PDE4D: variants seen among roughly 807,000 people sequenced by gnomAD.
PDE4D encodes the protein 3',5'-cyclic-AMP phosphodiesterase 4D.
A neutral mutation model predicts 87.4 loss-of-function variants in PDE4D; 24 were observed. The ratio of observed to expected loss-of-function variants is 0.27; its 90% CI spans 0.20 to 0.39. The LOEUF is 0.39. Among genes scored for constraint, PDE4D ranks in the 10% least tolerant of loss-of-function variants. The pLI is 1.00. For missense variants in PDE4D, 714 were observed against 1,041.0 expected (o/e 0.69, Z 4.32); for synonymous variants, 384 against 383.2 (o/e 1.00, Z -0.02).
At chr5:60,078,396 G>A (rs922377096) in intron 2 of PDE4D, among the ~76,000 whole-genome samples, 28 of 152,114 alleles carry the variant, frequency 1.8e-4, no homozygotes, top group African/African-American at 6.8e-4. Context: ...TTGGTTGCAA[G>A]AGATTTTCTT....
intron 1 of PDE4D, among the ~76,000 whole-genome samples, chr5:60,393,297 A>C (rs945321033): frequency 3.9e-5 from 6 of 152,156 alleles, no homozygotes; most frequent in Admixed American, 3.9e-4. Flanking sequence ...ACATTGCCTG[A>C]TTTGCCAAGA....
intron 1 of PDE4D, among the ~76,000 whole-genome samples, chr5:59,278,629 A>G (rs575147421): frequency 3.3e-4 from 50 of 152,226 alleles, no homozygotes; most frequent in African/African-American, 1.1e-3. Context: ...CATTCCATCT[A>G]TACCATGATT....
intron 1 of PDE4D, among the ~76,000 whole-genome samples, chr5:59,641,977 T>C (rs1250934658): frequency 1.3e-5 from 2 of 152,162 alleles, no homozygotes; most frequent in African/African-American, 4.8e-5. Context: ...GCAATATAAA[T>C]GTCTGTCATT....
chr5:59,862,020 G>T (rs1746349463), intron 1 of PDE4D, among the ~76,000 whole-genome samples: 1 of 152,140 alleles, frequency 6.6e-6, no homozygotes, highest in Non-Finnish European at 1.5e-5. Context: ...TTGTCCTCCT[G>T]TGCCAGTGCT....
chr5:59,861,650 T>G (rs1204347628), intron 1 of PDE4D, among the ~76,000 whole-genome samples: 1 of 152,242 alleles, frequency 6.6e-6, no homozygotes, highest in South Asian at 2.1e-4. Flanking sequence ...TTCATTTTTT[T>G]TCCCCCAGCT....
At chr5:59,555,395 G>C (rs772138931) in intron 1 of PDE4D, among the ~76,000 whole-genome samples, 1 of 152,062 alleles carries the variant, frequency 6.6e-6, no homozygotes, top group South Asian at 2.1e-4. Context: ...CTATTGGGTA[G>C]TAGGCTTAGT....
intron 5 of PDE4D, among the ~76,000 whole-genome samples, chr5:59,172,212 ATATAT>A (rs376190905): frequency 0.045 from 5,082 of 113,240 alleles, 151 homozygotes; most frequent in Middle Eastern, 0.064. Context: ...TATGTATATA[ATATAT>A]AATAAATATA....
intron 5 of PDE4D, among the ~76,000 whole-genome samples, chr5:59,065,589 G>A (rs186963734): frequency 1.3e-5 from 2 of 152,228 alleles, no homozygotes; most frequent in African/African-American, 4.8e-5. Context: ...TGGTTTTAGG[G>A]TGTATACCTG....
intron 2 of PDE4D, among the ~76,000 whole-genome samples, chr5:60,175,003 C>T (rs1282325247): frequency 1.3e-5 from 2 of 152,016 alleles, no homozygotes; most frequent in Non-Finnish European, 2.9e-5. Flanking sequence ...TTTCTTCAAA[C>T]ATTTCTTCTG....
chr5:60,046,398 A>T (rs185962582), intron 2 of PDE4D, among the ~76,000 whole-genome samples: 192 of 152,310 alleles, frequency 1.3e-3, no homozygotes, highest in African/African-American at 4.4e-3. Flanking sequence ...AACTTCCAAC[A>T]CTATGTTGAA....
At chr5:59,289,474 G>C (rs949219623) in intron 1 of PDE4D, among the ~76,000 whole-genome samples, 26 of 151,862 alleles carry the variant, frequency 1.7e-4, no homozygotes, top group African/African-American at 6.0e-4. Context: ...ATAAGCATTT[G>C]ATAAAATTCA....
At chr5:60,174,222 T>C (rs887979307) in intron 2 of PDE4D, among the ~76,000 whole-genome samples, 6 of 152,148 alleles carry the variant, frequency 3.9e-5, no homozygotes, top group Non-Finnish European at 2.9e-5. Context: ...TTCAGGTGTC[T>C]TCATACCTTA....
chr5:60,107,763 G>T (rs1226278549), intron 2 of PDE4D, among the ~76,000 whole-genome samples: 1 of 152,130 alleles, frequency 6.6e-6, no homozygotes, highest in African/African-American at 2.4e-5. Flanking sequence ...AAAACCACAT[G>T]ATTATCTCAA....
chr5:60,442,459 G>C (rs949160179), intron 1 of PDE4D, among the ~76,000 whole-genome samples: 6 of 151,986 alleles, frequency 3.9e-5, no homozygotes, highest in Admixed American at 3.3e-4. Context: ...GGGACTAGGG[G>C]AGGGATAGAG....
intron 1 of PDE4D, among the ~76,000 whole-genome samples, chr5:59,888,521 A>G (rs564195734): frequency 3.9e-5 from 6 of 152,372 alleles, no homozygotes; most frequent in Middle Eastern, 6.8e-3. Context: ...TGTGTTGACA[A>G]TATGTAGGAA....
At chr5:60,428,664 C>T (rs1743928685) in intron 1 of PDE4D, among the ~76,000 whole-genome samples, 1 of 152,178 alleles carries the variant, frequency 6.6e-6, no homozygotes, top group Admixed American at 6.5e-5. Context: ...GTATTTACTT[C>T]TCACGATGAT....
chr5:59,401,478 A>G (rs2607342), intron 1 of PDE4D, among the ~76,000 whole-genome samples: 3,123 of 150,968 alleles, frequency 0.021, 55 homozygotes, highest in African/African-American at 0.038. Context: ...CTATCTATCT[A>G]TCTATCTATT....
At chr5:60,195,563 A>C (rs796308223) in intron 1 of PDE4D, among the ~76,000 whole-genome samples, 2 of 151,810 alleles carry the variant, frequency 1.3e-5, no homozygotes, top group African/African-American at 4.8e-5. Flanking sequence ...ACAGCAATCT[A>C]TTTTACTAAT....
At chr5:59,343,318 A>C (rs1582067187) in intron 1 of PDE4D, among the ~76,000 whole-genome samples, 1 of 152,010 alleles carries the variant, frequency 6.6e-6, no homozygotes, top group East Asian at 1.9e-4. Context: ...CCATTTCCCC[A>C]ATCCCTCCTG....
Sources: gnomAD v4.1 joint callset for allele counts (sites outside exome capture counted in the v4.1 genomes callset) on GRCh38, gnomAD v4.1.1 for gene constraint, MANE v1.5 for transcripts, NCBI Gene and HGNC (gene_info 2026-07-23, HGNC 2026-07-21) for gene names.